Variants in MOCS1 observed in about 807,000 individuals in gnomAD.
The protein encoded by MOCS1 is molybdenum cofactor biosynthesis protein 1.
In MOCS1, 39 loss-of-function variants were observed where a neutral mutation model predicts 57.6. The observed-to-expected ratio is 0.68, with a 90% CI of 0.52 to 0.88. MOCS1 has a LOEUF of 0.88. Among genes scored for constraint, MOCS1 ranks in the 40% least tolerant of loss-of-function variants. The pLI, the probability that MOCS1 is intolerant of heterozygous loss-of-function variation, is 0.00. For missense variants in MOCS1, 795 were observed against 831.1 expected (o/e 0.96, Z 0.53); for synonymous variants, 334 against 335.7 (o/e 1.00, Z 0.05).
chr6:39,925,660 G>T lies in MOCS1; in HGVS notation c.418+18C>A. The T allele has an allele frequency of 6.2e-7, 1 of 1,612,684 alleles. No individual in the cohort carries two copies. Among genetic ancestry groups the T allele is most frequent in the South Asian group, 1.1e-5 (1 of 91,004 alleles). On this transcript the variant is annotated intron_variant, in intron 3 of 10. Transcript: ENST00000340692. ...AGGCAGCGCTGGGAGAAGTGGCGAT[G>T]ACTTTCGTCCAACTCACCCACAATG...
intron 3 of MOCS1, among the ~76,000 whole-genome samples, chr6:39,916,663 A>C (rs988244734): frequency 6.6e-6 from 1 of 152,234 alleles, no homozygotes; most frequent in African/African-American, 2.4e-5. Flanking sequence ...GTATAATGGA[A>C]ACAAAAGTGT....
intron 1 of MOCS1, 74 bp from the exon 2 acceptor site, chr6:39,927,529 G>A: frequency 1.2e-6 from 2 of 1,611,194 alleles, no homozygotes; most frequent in African/African-American, 1.3e-5. Flanking sequence ...AGAACCGCCT[G>A]CCCCCTCCCT....
In MOCS1 at chr6:39,905,241, A is replaced by C. The variant is rs1398040280; in HGVS notation, c.*1116T>G. 4.4e-6 allele frequency: 2 copies of C among 454,224 alleles called. No homozygotes were observed. The highest frequency in any genetic ancestry group is 7.0e-5 in the East Asian group (1 of 14,378). The allele number at this position is 454,224 out of a possible 1,614,324, so 28.1% of individuals were successfully genotyped here. A position where few individuals can be genotyped will look rare whatever the true frequency, so the allele number is the denominator to read the frequency against. On this transcript the variant is annotated 3_prime_UTR_variant, in exon 11 of 11. Transcript: ENST00000340692. ...ATTAATTGCCCTCTCTGATCTCTCT[A>C]ATAGCTGGTAATGCAAGCAATGAGC...
At chr6:39,911,833 C>T (rs527401250) in intron 8 of MOCS1, among the ~76,000 whole-genome samples, 5 of 152,294 alleles carry the variant, frequency 3.3e-5, no homozygotes, top group African/African-American at 9.6e-5. Flanking sequence ...ATAGCCCTGA[C>T]GAGAAGGGGT....
rs2149396477 is a variant in MOCS1 at position 39,906,937 on chromosome 6, G to A, written c.1331C>T (p.Ser444Phe). 1.9e-6 allele frequency: 3 copies of A among 1,614,130 alleles called. No individual in the cohort carries two copies. Among genetic ancestry groups the A allele is most frequent in the East Asian group, 2.2e-5 (1 of 44,852 alleles). Residue 444 changes from serine to phenylalanine, a missense_variant, in exon 11 of 11, where the codon TCC becomes TTC. Ser to Phe is a radical substitution (Grantham distance 155). Around this residue, in one of 3 missense-constraint regions of MOCS1, gnomAD observed 374 missense variants for 422.6 expected, o/e 0.89. Transcript: ENST00000340692. ...PLAQQRLGSG[S>F]FQRHYTSRAD... is the part of the protein sequence containing the mutation. Reference sequence around the variant, plus strand: ...ACGGGAAGTGTAGTGTCTCTGAAAGGAGCCAGACCCCAGCCGCTGCTGGGC... The same window carrying A: ...ACGGGAAGTGTAGTGTCTCTGAAAGAAGCCAGACCCCAGCCGCTGCTGGGC...
At position 39,905,003 on chromosome 6, in the gene MOCS1, T is replaced by C. The variant is rs867801464; in HGVS notation, c.*1354A>G. Reference sequence around the variant, plus strand: ...CAGAAATTTTGCAAGCCATTTGACATACTGGTAGCTTGAAATTATTCAACA... The same window carrying C: ...CAGAAATTTTGCAAGCCATTTGACACACTGGTAGCTTGAAATTATTCAACA... On this transcript the variant is annotated 3_prime_UTR_variant, in exon 11 of 11. Coordinates refer to ENST00000340692, the MANE Select transcript of MOCS1 (RefSeq NM_001358530.2). 12 of 452,362 alleles carry C rather than the reference T, an allele frequency of 2.7e-5. No individual in the cohort carries two copies. Among genetic ancestry groups the C allele is most frequent in the Admixed American group, 9.4e-5 (4 of 42,468 alleles). The allele number at this position is 452,362 out of a possible 1,614,324, so 28.0% of individuals were successfully genotyped here. A position where few individuals can be genotyped will look rare whatever the true frequency, so the allele number is the denominator to read the frequency against.
chr6:39,909,926 G>A lies in MOCS1; in HGVS notation c.1011C>T (p.Ser337=), dbSNP rs775983848. ...CCCCAGCTCGCAGGTGATCCCGCAG[G>A]GATACCTCAGAGTTTCCAAAGAGGC... The part of the protein sequence containing the change: ...KVCLFGNSEV[S]LRDHLRAGAS... The change falls in exon 9 of 11, where the codon TCC becomes TCT. Residue 337 remains serine, a synonymous_variant. Coordinates refer to ENST00000340692, the MANE Select transcript of MOCS1 (RefSeq NM_001358530.2). 11 of 1,613,744 alleles carry A rather than the reference G, an allele frequency of 6.8e-6. No individual in the cohort carries two copies. Among genetic ancestry groups the A allele is most frequent in the South Asian group, 1.1e-5 (1 of 91,086 alleles).
chr6:39,920,839 T>C (rs1036259342), intron 3 of MOCS1, among the ~76,000 whole-genome samples: 6 of 151,094 alleles, frequency 4.0e-5, no homozygotes, highest in Non-Finnish European at 7.4e-5. Context: ...ATTAGCTGGG[T>C]GTGGTGGTGT....
Position 39,916,225 on chromosome 6 carries a change from G to A in MOCS1, c.426C>T (p.Leu142=), listed in dbSNP as rs375882259. ...TGGTTCTCAGCCCTTCCAGCCGCTG[G>A]AGCTGGGCTGTAAGGACAACAGAAA... ...RPDVVDIVAQ[L]QRLEGLRTIG... The change falls in exon 4 of 11, where the codon CTC becomes CTT. Residue 142 remains leucine (L), a synonymous_variant. Transcript: ENST00000340692. 50 of 1,613,648 alleles carry A rather than the reference G, an allele frequency of 3.1e-5. No individual in the cohort carries two copies. The highest frequency in any genetic ancestry group is 4.0e-5 in the Non-Finnish European group (47 of 1,180,024).
chr6:39,914,249 C>T (rs905578208), intron 4 of MOCS1, among the ~76,000 whole-genome samples: 7 of 152,196 alleles, frequency 4.6e-5, no homozygotes, highest in African/African-American at 1.7e-4. Flanking sequence ...CTAGATGTGG[C>T]CTGTGGGCCA....
At chr6:39,916,807 T>C (rs1767683978) in intron 3 of MOCS1, among the ~76,000 whole-genome samples, 1 of 152,104 alleles carries the variant, frequency 6.6e-6, no homozygotes, top group Non-Finnish European at 1.5e-5. Flanking sequence ...AAATTAGTAC[T>C]GAAAGAGAGA....
At chr6:39,925,613 G>A (rs956825008) in intron 3 of MOCS1, 65 bp downstream of exon 3, 36 of 1,587,312 alleles carry the variant, frequency 2.3e-5, no homozygotes, top group Middle Eastern at 3.3e-4. Flanking sequence ...TGTTAACATC[G>A]GCATCAGTGT....
At chr6:39,931,900 AG>A (rs770847966) in intron 1 of MOCS1, among the ~76,000 whole-genome samples, 3 of 152,188 alleles carry the variant, frequency 2.0e-5, no homozygotes, top group Non-Finnish European at 4.4e-5. Context: ...CTCCCAGGCT[AG>A]GCTGAACCCT....
intron 2 of MOCS1, among the ~76,000 whole-genome samples, chr6:39,926,978 G>A (rs555745791): frequency 6.6e-6 from 1 of 151,416 alleles, no homozygotes; most frequent in Non-Finnish European, 1.5e-5. Context: ...TGTTTATAAT[G>A]TCCACCACCC....
chr6:39,928,070 C>T (rs139739367), intron 1 of MOCS1, among the ~76,000 whole-genome samples: 2 of 152,248 alleles, frequency 1.3e-5, no homozygotes, highest in Non-Finnish European at 2.9e-5. Flanking sequence ...TTCCCACACC[C>T]ACTCCACAAG....
intron 8 of MOCS1, among the ~76,000 whole-genome samples, chr6:39,910,697 A>G (rs1053047506): frequency 6.6e-6 from 1 of 152,156 alleles, no homozygotes; most frequent in Non-Finnish European, 1.5e-5. Flanking sequence ...TACCAGTGAA[A>G]TCTAGGATAG....
In MOCS1 at chr6:39,934,439, C is replaced by T. The variant is rs1768810533; in HGVS notation, c.-22G>A. The T allele has an allele frequency of 1.9e-6, 3 of 1,562,350 alleles. No individual in the cohort carries two copies. Among genetic ancestry groups the T allele is most frequent in the Non-Finnish European group, 1.7e-6 (2 of 1,160,692 alleles). On this transcript the variant is annotated 5_prime_UTR_variant, in exon 1 of 11. Coordinates refer to ENST00000340692, the MANE Select transcript of MOCS1 (RefSeq NM_001358530.2). ...CCATGAAGCCTGATACGAGCGGAAC[C>T]GCAGCCCGCTTCGGGAGCACACTGG...
intron 3 of MOCS1, among the ~76,000 whole-genome samples, chr6:39,920,671 T>C (rs1486266450): frequency 6.6e-6 from 1 of 152,138 alleles, no homozygotes; most frequent in African/African-American, 2.4e-5. Context: ...AAACGCTATA[T>C]CTACTTTTTA....
At chr6:39,930,326 G>A (rs1582842209) in intron 1 of MOCS1, among the ~76,000 whole-genome samples, 1 of 152,186 alleles carries the variant, frequency 6.6e-6, no homozygotes, top group South Asian at 2.1e-4. Context: ...GCTGGGACAT[G>A]CCAGAAGTAG....
Sources: allele counts gnomAD v4.1 joint callset (sites outside exome capture counted in the v4.1 genomes callset), GRCh38; gene constraint gnomAD v4.1.1; regional missense constraint gnomAD v4.1.1; transcripts MANE v1.5; gene names NCBI Gene and HGNC (gene_info 2026-07-23, HGNC 2026-07-21).